The following KLHL7 variants were observed in gnomAD, a reference collection of about 807,000 sequenced individuals.
KLHL7 encodes the protein kelch-like protein 7.
Under a neutral mutation model 67.4 loss-of-function variants are expected in KLHL7, and 44 were observed. The observed-to-expected ratio is 0.65, with a 90% CI of 0.51 to 0.84. KLHL7 has a LOEUF of 0.84. Among genes scored for constraint, KLHL7 ranks in the 40% least tolerant of loss-of-function variants. The probability of loss-of-function intolerance (pLI) is 0.00; values close to 1 mark genes in which losing one functional copy is unlikely to be tolerated. For missense variants in KLHL7, 362 were observed against 718.1 expected (o/e 0.50, Z 5.67); for synonymous variants, 252 against 243.3 (o/e 1.04, Z -0.33).
chr7:23,109,983 A>G (rs1484063442), intron 1 of KLHL7, among the ~76,000 whole-genome samples: 2 of 152,130 alleles, frequency 1.3e-5, no homozygotes, highest in Non-Finnish European at 2.9e-5. Flanking sequence ...TTTCATGTCC[A>G]TCTGGCAAAC....
At chr7:23,141,107 C>T (rs112576188) in intron 5 of KLHL7, among the ~76,000 whole-genome samples, 163 bp downstream of exon 5, 1 of 152,170 alleles carries the variant, frequency 6.6e-6, no homozygotes, top group Admixed American at 6.5e-5. Context: ...CAGGCTGGCT[C>T]TTTGAGAAAT....
At chr7:23,164,190 G>A (rs529236128) in intron 7 of KLHL7, among the ~76,000 whole-genome samples, 1 of 143,024 alleles carries the variant, frequency 7.0e-6, no homozygotes, top group African/African-American at 2.7e-5. Context: ...ACAGTATCTA[G>A]GTACTATAAT....
intron 5 of KLHL7, among the ~76,000 whole-genome samples, chr7:23,143,207 G>A (rs1184824373): frequency 6.6e-6 from 1 of 152,106 alleles, no homozygotes; most frequent in Non-Finnish European, 1.5e-5. Flanking sequence ...TGAAGCAATT[G>A]ATTTTTTGGG....
chr7:23,143,535 G>GT (rs926856599), intron 5 of KLHL7, among the ~76,000 whole-genome samples: 13 of 151,816 alleles, frequency 8.6e-5, no homozygotes, highest in African/African-American at 2.2e-4. Context: ...TTGACTGATA[G>GT]TTTTTTTTCA....
intron 8 of KLHL7, 73 bp downstream of exon 8, chr7:23,166,011 TAAAC>T: frequency 8.0e-6 from 12 of 1,499,362 alleles, no homozygotes; most frequent in Non-Finnish European, 1.1e-5. Flanking sequence ...CATATTTAAA[TAAAC>T]AGCTGGTATT....
intron 4 of KLHL7, 50 bp from the exon 5 acceptor site, chr7:23,140,719 G>A: frequency 6.6e-7 from 1 of 1,508,906 alleles, no homozygotes; most frequent in African/African-American, 1.4e-5. Flanking sequence ...ATGTATACTT[G>A]GTTTTTCTAA....
intron 6 of KLHL7, among the ~76,000 whole-genome samples, chr7:23,146,129 C>T (rs779501695): frequency 1.3e-5 from 2 of 152,228 alleles, no homozygotes; most frequent in Admixed American, 6.5e-5. Context: ...CTGTCTCCTA[C>T]AGTGGTACAG....
At chr7:23,131,466 ACTTTC>A (rs1162386223) in intron 4 of KLHL7, among the ~76,000 whole-genome samples, 1 of 152,158 alleles carries the variant, frequency 6.6e-6, no homozygotes, top group Non-Finnish European at 1.5e-5. Flanking sequence ...TCTTTATAAA[ACTTTC>A]CTTAATGCCT....
intron 4 of KLHL7, among the ~76,000 whole-genome samples, chr7:23,137,771 G>T (rs746628037): frequency 2.7e-5 from 4 of 149,450 alleles, no homozygotes; most frequent in Non-Finnish European, 5.9e-5. Context: ...GAGCCACCAC[G>T]CCTGGCCAGG....
chr7:23,117,884 A>T, intron 1 of KLHL7: 1 of 1,613,928 alleles, frequency 6.2e-7, no homozygotes, highest in Non-Finnish European at 8.5e-7. Flanking sequence ...CTGCTCAGGG[A>T]TTTATACTCA....
intron 4 of KLHL7, among the ~76,000 whole-genome samples, chr7:23,134,673 A>C (rs1017976968): frequency 6.6e-6 from 1 of 152,120 alleles, no homozygotes; most frequent in Non-Finnish European, 1.5e-5. Flanking sequence ...TTCCTGATTC[A>C]ATCTTGGTAG....
Position 23,108,449 on chromosome 7 carries a change from AG to A in KLHL7, c.120+2306del, listed in dbSNP as rs369228692. Among the ~76,000 whole-genome samples the A allele has an allele frequency of 5.1e-3, 778 of 152,296 alleles. 7 individuals carry two copies. Among genetic ancestry groups the A allele is most frequent in the African/African-American group, 0.018 (732 of 41,558 alleles). On this transcript the variant is annotated intron_variant, in intron 1 of 10. Transcript: ENST00000339077. ...CAGTGAAGTATGGGATACATATAAG[AG>A]GGCACAAATCATAAATGTATAGCTC... is the stretch of plus-strand genomic sequence containing the variant.
In KLHL7 at chr7:23,174,404, A is replaced by G. The variant is rs188346406; in HGVS notation, c.*106A>G. 6.9e-6 allele frequency: 8 copies of G among 1,160,440 alleles called. No homozygotes were observed. In the East Asian group the frequency reaches 1.2e-4, roughly 18 times the overall value. 71.9% of individuals were successfully genotyped at this position (1,160,440 alleles called of 1,614,324 possible). On this transcript the variant is annotated 3_prime_UTR_variant, in exon 11 of 11. Transcript: ENST00000339077. ...TTTGGTTTGGTGTTTTGGTAAAGAA[A>G]GTTTCAAGTGAAATGAGGTTCCTAT...
At chr7:23,147,985 C>T (rs1165431957) in intron 6 of KLHL7, among the ~76,000 whole-genome samples, 2 of 152,214 alleles carry the variant, frequency 1.3e-5, no homozygotes, top group African/African-American at 4.8e-5. Context: ...AGCTTCATCT[C>T]AGTTCCAACT....
At chr7:23,172,690 GTTTT>G in intron 9 of KLHL7, 1 of 318,960 alleles carries the variant, frequency 3.1e-6, no homozygotes, top group Admixed American at 4.5e-5. Context: ...CTAAAAACGT[GTTTT>G]TTAATAGATA....
At chr7:23,166,316 T>C (rs569898564) in intron 8 of KLHL7, among the ~76,000 whole-genome samples, 227 of 152,310 alleles carry the variant, frequency 1.5e-3, no homozygotes, top group Middle Eastern at 0.01. Flanking sequence ...ATTTGTATTA[T>C]ATTTGCTTTC....
chr7:23,134,063 T>G (rs1783891040), intron 4 of KLHL7, among the ~76,000 whole-genome samples: 1 of 152,208 alleles, frequency 6.6e-6, no homozygotes, highest in Non-Finnish European at 1.5e-5. Context: ...TTTTCCCCAT[T>G]GAATATGATA....
At chr7:23,150,500 T>TG (rs1784498116) in intron 6 of KLHL7, among the ~76,000 whole-genome samples, 1 of 152,196 alleles carries the variant, frequency 6.6e-6, no homozygotes, top group Non-Finnish European at 1.5e-5. Context: ...TATTATTTAT[T>TG]GGAGATCATT....
chr7:23,124,538 A>C, intron 2 of KLHL7, 150 bp from the exon 3 acceptor site: 1 of 695,974 alleles, frequency 1.4e-6, no homozygotes, highest in Non-Finnish European at 2.6e-6. Flanking sequence ...TGCATTGACT[A>C]TAGAAATGTT....
Sources: allele counts gnomAD v4.1 joint callset (sites outside exome capture counted in the v4.1 genomes callset), GRCh38; gene constraint gnomAD v4.1.1; transcripts MANE v1.5; gene names NCBI Gene and HGNC (gene_info 2026-07-23, HGNC 2026-07-21).